The following ZC2HC1B variants were observed in gnomAD, a reference collection of about 807,000 sequenced individuals.
ZC2HC1B encodes the protein zinc finger C2HC-type containing 1B.
ZC2HC1B carries 36 observed loss-of-function variants against 31.0 expected under a neutral mutation model. That is an observed-to-expected ratio of 1.16 (90% CI 0.89 to 1.54). The LOEUF is 1.54. Ranked by LOEUF, ZC2HC1B falls within the 40% of genes most tolerant of loss-of-function variation. The probability of loss-of-function intolerance (pLI) is 0.00; values close to 1 mark genes in which losing one functional copy is unlikely to be tolerated. For missense variants in ZC2HC1B, 260 were observed against 268.6 expected, an observed-to-expected ratio of 0.97 and a Z score of 0.22; for synonymous variants, 73 against 88.0, an observed-to-expected ratio of 0.83 and a Z score of 0.95.
At position 143,925,542 on chromosome 6, in the gene ZC2HC1B, T is replaced by C. The variant is rs548419019; in HGVS notation, c.599-12107T>C. Among the ~76,000 whole-genome samples the C allele has an allele frequency of 4.9e-3, 733 of 148,262 alleles. 8 individuals carry two copies. The highest frequency in any genetic ancestry group is 0.016 in the African/African-American group (658 of 40,422). On this transcript the variant is annotated intron_variant, in intron 6 of 7. Transcript: ENST00000237275. ...TTATTCATTCTTTTCTTTTCTTTTT[T>C]TTTTTTTTTTTGAGACGGAGTTTCG...
At chr6:143,904,995 C>T (rs535938358) in intron 6 of ZC2HC1B, among the ~76,000 whole-genome samples, 38 of 152,180 alleles carry the variant, frequency 2.5e-4, no homozygotes, top group Non-Finnish European at 4.4e-4. Context: ...TAAGTTTTGA[C>T]ATCAGGAACT....
chr6:143,894,122 G>A (rs917038903), intron 4 of ZC2HC1B, among the ~76,000 whole-genome samples: 6 of 152,254 alleles, frequency 3.9e-5, no homozygotes, highest in African/African-American at 4.8e-5. Flanking sequence ...TTCATATAGC[G>A]TAAACTGGAA....
intron 4 of ZC2HC1B, among the ~76,000 whole-genome samples, chr6:143,893,287 ACT>A (rs1401115216): frequency 4.6e-5 from 7 of 152,184 alleles, no homozygotes; most frequent in Admixed American, 3.9e-4. Context: ...AAAATTAAAG[ACT>A]CTGACAATAC....
chr6:143,912,362 C>A (rs1307781150), intron 6 of ZC2HC1B, among the ~76,000 whole-genome samples: 3 of 152,196 alleles, frequency 2.0e-5, no homozygotes, highest in African/African-American at 7.2e-5. Flanking sequence ...TTTGAGTTTT[C>A]AGTGTTTTTG....
chr6:143,924,541 C>G lies in ZC2HC1B; in HGVS notation c.599-13108C>G. On this transcript the variant is annotated intron_variant, in intron 6 of 7. Coordinates refer to ENST00000237275, the MANE Select transcript of ZC2HC1B (RefSeq NM_001013623.3). This position sits in a 1 kb window ranked among gnomAD's most constrained non-coding sequence, Gnocchi z 5.2. ...ACTATGTTGAATAAAAGTGATGACC[C>G]TATCTCTAAATAAATAATAAAAATG... Among the ~76,000 whole-genome samples, 1 of 151,988 alleles carries G rather than the reference C, an allele frequency of 6.6e-6. No homozygotes were observed. The highest frequency in any genetic ancestry group is 1.5e-5 in the Non-Finnish European group (1 of 67,954).
rs1177164146 is a variant in ZC2HC1B, at chr6:143,899,093, A to G, written c.489+402A>G. Among the ~76,000 whole-genome samples the G allele has an allele frequency of 1.3e-5, 2 of 152,204 alleles. No homozygotes were observed. Among genetic ancestry groups the G allele is most frequent in the Non-Finnish European group, 1.5e-5 (1 of 68,032 alleles). On this transcript the variant is annotated intron_variant, in intron 5 of 7. Coordinates refer to ENST00000237275, the MANE Select transcript of ZC2HC1B (RefSeq NM_001013623.3). This position sits in a 1 kb window ranked among gnomAD's most constrained non-coding sequence, Gnocchi z 5.0. ...CCCCACAGGTCATGTGTTTTGCTCT[A>G]TAGAGGAGGGGTCTTCACCTTTTAT...
chr6:143,902,719 A>G (rs1319697687), intron 5 of ZC2HC1B, among the ~76,000 whole-genome samples: 1 of 152,214 alleles, frequency 6.6e-6, no homozygotes, highest in Non-Finnish European at 1.5e-5. Flanking sequence ...TTCTTTAAAT[A>G]TATCCTTTAT....
intron 1 of ZC2HC1B, chr6:143,881,550 C>CAAAAAAAA (rs1174647223): frequency 1.7e-4 from 6 of 34,446 alleles, no homozygotes; most frequent in Admixed American, 3.5e-4. Context: ...GACCCTGTCT[C>CAAAAAAAA]AAAAAAAAAA....
At position 143,878,508 on chromosome 6, in the gene ZC2HC1B, A is replaced by G. The variant is rs1047537079; in HGVS notation, c.29-5796A>G. Among the ~76,000 whole-genome samples the G allele has an allele frequency of 1.1e-4, 16 of 150,666 alleles. 2 individuals carry two copies. Among genetic ancestry groups the G allele is most frequent in the African/African-American group, 3.4e-4 (14 of 40,888 alleles). On this transcript the variant is annotated intron_variant, in intron 1 of 7. Coordinates refer to ENST00000237275, the MANE Select transcript of ZC2HC1B (RefSeq NM_001013623.3). Reference sequence around the variant, plus strand: ...CGGAAGGGGAGGGGAAAGGCTGCCTAGAACATTGCTGAAGTGCTGTCTAGT... The same window carrying G: ...CGGAAGGGGAGGGGAAAGGCTGCCTGGAACATTGCTGAAGTGCTGTCTAGT...
chr6:143,926,972 G>C lies in ZC2HC1B; in HGVS notation c.599-10677G>C, dbSNP rs935230780. On this transcript the variant is annotated intron_variant, in intron 6 of 7. Transcript: ENST00000237275. ...ACTACAGGCGCCCGGCTAATTTTTT[G>C]TATTTTTAGTAGAGACGGGGTTTCA... Among the ~76,000 whole-genome samples the C allele has an allele frequency of 1.1e-4, 15 of 139,990 alleles. No homozygotes were observed. The Admixed American group carries it at 1.1e-3, about 10-fold the overall frequency. 91.8% of individuals were successfully genotyped at this position (139,990 alleles called of 152,430 possible).
At chr6:143,879,885 A>G (rs1777449017) in intron 1 of ZC2HC1B, among the ~76,000 whole-genome samples, 1 of 139,730 alleles carries the variant, frequency 7.2e-6, no homozygotes, top group Non-Finnish European at 1.5e-5. Context: ...AGCAGGCACA[A>G]TCAATCATGG....
chr6:143,916,540 G>A (rs147015831), intron 6 of ZC2HC1B, among the ~76,000 whole-genome samples: 4,485 of 152,300 alleles, frequency 0.029, 82 homozygotes, highest in South Asian at 0.073. Flanking sequence ...TGGAAAAGCC[G>A]CAGACACTCA....
chr6:143,895,004 C>T lies in ZC2HC1B; in HGVS notation c.350-3548C>T, dbSNP rs559775100. Reference sequence around the variant, plus strand: ...TGCTAACACATAATTTTATAATTAACTTCTTTCTTGTGTCCTTAACATAAT... The same window carrying T: ...TGCTAACACATAATTTTATAATTAATTTCTTTCTTGTGTCCTTAACATAAT... On this transcript the variant is annotated intron_variant, in intron 4 of 7. Transcript: ENST00000237275. This position sits in a 1 kb window ranked among gnomAD's most constrained non-coding sequence, Gnocchi z 4.8. Among the ~76,000 whole-genome samples the T allele has an allele frequency of 1.6e-3, 249 of 152,252 alleles. 1 individual carries two copies. Among genetic ancestry groups the T allele is most frequent in the African/African-American group, 4.3e-3 (179 of 41,564 alleles).
Position 143,879,799 on chromosome 6 carries a change from T to A in ZC2HC1B, c.29-4505T>A, listed in dbSNP as rs1777447407. Among the ~76,000 whole-genome samples the A allele has an allele frequency of 5.9e-5, 9 of 151,352 alleles. No individual in the cohort carries two copies. The South Asian group carries it at 1.9e-3, about 31-fold the overall frequency. On this transcript the variant is annotated intron_variant, in intron 1 of 7. Transcript: ENST00000237275. ...AATGTTTGTTTGTTTTTGTTTTTTTTTTTTTCCTGCTCAAGTTGTCCCTGA... is the reference window on the plus strand; with the variant it reads ...AATGTTTGTTTGTTTTTGTTTTTTTATTTTTCCTGCTCAAGTTGTCCCTGA...
chr6:143,930,531 G>C (rs1778107275), intron 6 of ZC2HC1B, among the ~76,000 whole-genome samples: 2 of 151,808 alleles, frequency 1.3e-5, no homozygotes, highest in Admixed American at 1.3e-4. Context: ...GGGACTACAG[G>C]CGCCCGCCAC....
chr6:143,933,553 A>G lies in ZC2HC1B; in HGVS notation c.599-4096A>G, dbSNP rs1234843028. 6.6e-6 allele frequency among the ~76,000 whole-genome samples: 1 copy of G among 152,100 alleles called. No individual in the cohort carries two copies. The highest frequency in any genetic ancestry group is 2.4e-5 in the African/African-American group (1 of 41,400). ...AGATCAGGGGATGGTTCTTGGGCCA[A>G]TGGAGTTATGTTCCAGAGGGAATTA... is the stretch of plus-strand genomic sequence containing the variant. On this transcript the variant is annotated intron_variant, in intron 6 of 7. Transcript: ENST00000237275. The surrounding 1 kb of genome is among the most constrained non-coding windows in gnomAD (Gnocchi z 6.4).
chr6:143,933,738 C>T lies in ZC2HC1B; in HGVS notation c.599-3911C>T, dbSNP rs1361706237. 6.6e-6 allele frequency among the ~76,000 whole-genome samples: 1 copy of T among 152,126 alleles called. No homozygotes were observed. The highest frequency in any genetic ancestry group is 1.5e-5 in the Non-Finnish European group (1 of 68,020). ...TGCAGCCTGGGACTCAGATCTAGTC[C>T]CAGGCTCTAAGTTTCCCCACTGAGG... is the stretch of plus-strand genomic sequence containing the variant. On this transcript the variant is annotated intron_variant, in intron 6 of 7. Coordinates refer to ENST00000237275, the MANE Select transcript of ZC2HC1B (RefSeq NM_001013623.3). This position sits in a 1 kb window ranked among gnomAD's most constrained non-coding sequence, Gnocchi z 6.4.
intron 4 of ZC2HC1B, among the ~76,000 whole-genome samples, chr6:143,892,790 T>C (rs573706413): frequency 6.6e-6 from 1 of 152,152 alleles, no homozygotes; most frequent in Admixed American, 6.5e-5. Flanking sequence ...CTAAACTATA[T>C]CAACCATATA....
chr6:143,901,250 CTTTTTTTTTTTTTTTT>C (rs760366226), intron 5 of ZC2HC1B, among the ~76,000 whole-genome samples: 1 of 90,498 alleles, frequency 1.1e-5, no homozygotes, highest in Non-Finnish European at 2.1e-5. Context: ...TTCTTTCTTC[CTTTTTTTTTTTTTTTT>C]TTTTTTTTTT....
Sources: gnomAD v4.1 joint callset for allele counts (sites outside exome capture counted in the v4.1 genomes callset) on GRCh38, gnomAD v4.1.1 for gene constraint, Gnocchi (gnomAD v3.1) non-coding constraint, MANE v1.5 for transcripts, NCBI Gene and HGNC (gene_info 2026-07-23, HGNC 2026-07-21) for gene names.